Variants in TLN2 observed in about 807,000 individuals in gnomAD.
TLN2 encodes talin 2, also known as talin-2.
In TLN2, 118 loss-of-function variants were observed where a neutral mutation model predicts 294.7. That is an observed-to-expected ratio of 0.40 (90% CI 0.34 to 0.47). TLN2 has a LOEUF of 0.47. Among genes scored for constraint, TLN2 ranks in the 20% least tolerant of loss-of-function variants. The pLI, the probability that TLN2 is intolerant of heterozygous loss-of-function variation, is 0.84. For synonymous variants in TLN2, 1,431 were observed against 1,304.5 expected (o/e 1.10, Z -2.09); for missense variants, 3,083 against 3,282.2 (o/e 0.94, Z 1.48).
At chr15:62,503,061 C>G (rs956082424) in intron 1 of TLN2, among the ~76,000 whole-genome samples, 5 of 152,124 alleles carry the variant, frequency 3.3e-5, no homozygotes, top group Non-Finnish European at 7.3e-5. Flanking sequence ...CCTGGCCACT[C>G]TGAGTCATAG....
At chr15:62,416,727 T>C (rs964937073) in intron 1 of TLN2, among the ~76,000 whole-genome samples, 1 of 152,176 alleles carries the variant, frequency 6.6e-6, no homozygotes, top group Non-Finnish European at 1.5e-5. Flanking sequence ...ACCCTGCCCC[T>C]TTGCCCAGAG....
intron 36 of TLN2, 133 bp from the exon 37 acceptor site, chr15:62,755,399 G>A (rs1230872733): frequency 4.5e-6 from 5 of 1,111,836 alleles, no homozygotes; most frequent in East Asian, 2.8e-5. Flanking sequence ...TTTGAGGGTC[G>A]CAGAACTAGA....
At chr15:62,789,381 A>G (rs996467493) in intron 45 of TLN2, among the ~76,000 whole-genome samples, 1 of 152,048 alleles carries the variant, frequency 6.6e-6, no homozygotes, top group Non-Finnish European at 1.5e-5. Context: ...GAGCTTCTTA[A>G]CTGGAATTTT....
intron 3 of TLN2, among the ~76,000 whole-genome samples, chr15:62,627,043 G>C (rs1483894467): frequency 6.6e-6 from 1 of 152,228 alleles, no homozygotes; most frequent in African/African-American, 2.4e-5. Flanking sequence ...TTGCAAGGAA[G>C]GGCTAAGGTA....
rs1322426705 is a variant in TLN2 at position 62,672,946 on chromosome 15, T to G, written c.789-881T>G. Among the ~76,000 whole-genome samples, 4 of 152,138 alleles carry G rather than the reference T, an allele frequency of 2.6e-5. No individual in the cohort carries two copies. In the East Asian group the frequency reaches 7.7e-4, roughly 29 times the overall value. On this transcript the variant is annotated intron_variant, in intron 9 of 58. Coordinates refer to ENST00000636159, the MANE Select transcript of TLN2 (RefSeq NM_015059.3). Reference sequence around the variant, plus strand: ...GAATGTTTAGCCAAGTCTTTTTGCATTTTGTTTATTTTTATCTATTTTATG... The same window carrying G: ...GAATGTTTAGCCAAGTCTTTTTGCAGTTTGTTTATTTTTATCTATTTTATG...
At chr15:62,755,286 G>A (rs1337825395) in intron 36 of TLN2, 5 of 447,518 alleles carry the variant, frequency 1.1e-5, no homozygotes, top group African/African-American at 1.0e-4. Flanking sequence ...AAGACTACCT[G>A]GGGCTCAGCC....
chr15:62,457,151 T>C (rs1442455585), intron 1 of TLN2, among the ~76,000 whole-genome samples: 1 of 152,218 alleles, frequency 6.6e-6, no homozygotes, highest in Non-Finnish European at 1.5e-5. Flanking sequence ...TTCTGGAGGC[T>C]GGAAGTCTGA....
At chr15:62,774,415 G>C (rs150823131) in intron 42 of TLN2, among the ~76,000 whole-genome samples, 159 of 152,288 alleles carry the variant, frequency 1.0e-3, no homozygotes, top group African/African-American at 3.8e-3. Flanking sequence ...TGAGATTGCT[G>C]TCGGTGGTTT....
In TLN2 at chr15:62,438,798, G is replaced by T. The variant is rs556883170; in HGVS notation, c.-238+48113G>T. Among the ~76,000 whole-genome samples, 29 of 152,330 alleles carry T rather than the reference G, an allele frequency of 1.9e-4. 1 individual carries two copies. In the South Asian group the frequency reaches 5.8e-3, roughly 30 times the overall value. ...ATGCCTGGACCAGGACAGATGCTCAGGTGATCCCAAGGACCTAGGGAGGGA... is the reference window on the plus strand; with the variant it reads ...ATGCCTGGACCAGGACAGATGCTCATGTGATCCCAAGGACCTAGGGAGGGA... On this transcript the variant is annotated intron_variant, in intron 1 of 58. Transcript: ENST00000636159.
chr15:62,479,910 C>G (rs1461704416), intron 1 of TLN2, among the ~76,000 whole-genome samples: 4 of 152,236 alleles, frequency 2.6e-5, no homozygotes, highest in African/African-American at 7.2e-5. Context: ...AAGTAATTCC[C>G]TTTTTCCATT....
At chr15:62,519,402 A>G (rs1357731987) in intron 1 of TLN2, among the ~76,000 whole-genome samples, 1 of 152,138 alleles carries the variant, frequency 6.6e-6, no homozygotes, top group Non-Finnish European at 1.5e-5. Context: ...CTTTATTTTA[A>G]GCTTATCCCT....
At chr15:62,412,045 G>T (rs573780511) in intron 1 of TLN2, among the ~76,000 whole-genome samples, 1 of 152,264 alleles carries the variant, frequency 6.6e-6, no homozygotes, top group African/African-American at 2.4e-5. Context: ...TCTTACCAGG[G>T]ACTTTTGGGA....
chr15:62,720,269 T>C (rs1297368029), intron 25 of TLN2, among the ~76,000 whole-genome samples: 1 of 152,218 alleles, frequency 6.6e-6, no homozygotes, highest in Non-Finnish European at 1.5e-5. Flanking sequence ...AAATGTTAAG[T>C]GCGTCTTCTC....
intron 1 of TLN2, among the ~76,000 whole-genome samples, chr15:62,457,280 A>C (rs1029192473): frequency 6.6e-6 from 1 of 152,190 alleles, no homozygotes. Context: ...GCGAGCGTGC[A>C]TGCACAGGCA....
At chr15:62,796,003 A>T (rs1484383096) in intron 46 of TLN2, 124 bp from the exon 47 acceptor site, 4 of 1,258,928 alleles carry the variant, frequency 3.2e-6, no homozygotes, top group Non-Finnish European at 4.4e-6. Context: ...TTGACTCCAG[A>T]TGTGTGTTGT....
chr15:62,450,549 G>GTATGTATGTATGTA (rs879530020), intron 1 of TLN2, among the ~76,000 whole-genome samples: 4 of 36,128 alleles, frequency 1.1e-4, no homozygotes, highest in Admixed American at 3.0e-4. Context: ...ATGTATGTAT[G>GTATGTATGTATGTA]TGTGTGTGTG....
At chr15:62,827,867 T>TTA (rs1362291076) in intron 54 of TLN2, 3 of 152,134 alleles carry the variant, frequency 2.0e-5, no homozygotes, top group Non-Finnish European at 2.9e-5. Flanking sequence ...ATCAGATAGG[T>TTA]TAGGAGGGGA....
At chr15:62,571,784 T>G (rs1034055480) in intron 1 of TLN2, among the ~76,000 whole-genome samples, 4 of 152,224 alleles carry the variant, frequency 2.6e-5, no homozygotes, top group African/African-American at 9.7e-5. Context: ...TGTACATATT[T>G]CAGTATACAA....
At chr15:62,824,242 T>C (rs2067837334) in intron 54 of TLN2, among the ~76,000 whole-genome samples, 1 of 152,222 alleles carries the variant, frequency 6.6e-6, no homozygotes, top group Non-Finnish European at 1.5e-5. Flanking sequence ...CATAAGAGCC[T>C]GGGGTATTCT....
Sources: gnomAD v4.1 joint callset for allele counts (sites outside exome capture counted in the v4.1 genomes callset) on GRCh38, gnomAD v4.1.1 for gene constraint, MANE v1.5 for transcripts, NCBI Gene and HGNC (gene_info 2026-07-23, HGNC 2026-07-21) for gene names.